Variants in ANK3 observed in about 807,000 individuals in gnomAD.
ANK3 encodes the protein ankyrin 3.
A neutral mutation model predicts 370.9 loss-of-function variants in ANK3; 57 were observed. The observed-to-expected ratio is 0.15, with a 90% CI of 0.12 to 0.19. ANK3 has a LOEUF of 0.19. Among genes scored for constraint, ANK3 ranks in the 10% least tolerant of loss-of-function variants. The pLI is 1.00. For missense variants in ANK3, 4,439 were observed against 5,302.1 expected, an observed-to-expected ratio of 0.84 and a Z score of 5.06; for synonymous variants, 1,929 against 1,946.3, an observed-to-expected ratio of 0.99 and a Z score of 0.23.
intron 2 of ANK3, among the ~76,000 whole-genome samples, chr10:60,569,737 T>C (rs2077547090): frequency 6.6e-6 from 1 of 152,226 alleles, no homozygotes; most frequent in Non-Finnish European, 1.5e-5. Context: ...TCTGTTTTTC[T>C]GAAAACACTC....
chr10:60,462,326 A>G lies in ANK3; in HGVS notation c.96+152860T>C, dbSNP rs193100820. Among the ~76,000 whole-genome samples, 42 of 152,286 alleles carry G rather than the reference A, an allele frequency of 2.8e-4. 1 individual carries two copies. The East Asian group carries it at 5.4e-3, about 20-fold the overall frequency. On this transcript the variant is annotated intron_variant, in intron 2 of 43. Transcript: ENST00000373827. Reference sequence around the variant, plus strand: ...TGATTCTCTACAGACAATCTAGTCTATATTTTTGGAGACATTCCCAAATAG... The same window carrying G: ...TGATTCTCTACAGACAATCTAGTCTGTATTTTTGGAGACATTCCCAAATAG...
chr10:60,580,619 A>C (rs2077737686), intron 2 of ANK3, among the ~76,000 whole-genome samples: 1 of 152,202 alleles, frequency 6.6e-6, no homozygotes, highest in African/African-American at 2.4e-5. Context: ...AATCTCTCCA[A>C]ATAATTAACC....
At chr10:60,692,848 G>T (rs1301036511) in intron 1 of ANK3, among the ~76,000 whole-genome samples, 2 of 152,184 alleles carry the variant, frequency 1.3e-5, no homozygotes, top group African/African-American at 2.4e-5. Context: ...GATTGTTTTT[G>T]TCATATGATA....
chr10:60,266,562 C>T (rs994752629), intron 5 of ANK3, among the ~76,000 whole-genome samples: 4 of 152,156 alleles, frequency 2.6e-5, no homozygotes, highest in Non-Finnish European at 5.9e-5. Context: ...TACATTTCCA[C>T]TGATGAGAAT....
intron 25 of ANK3, among the ~76,000 whole-genome samples, chr10:60,123,326 A>G (rs1478404970): frequency 1.3e-5 from 2 of 152,200 alleles, no homozygotes; most frequent in Admixed American, 6.5e-5. Context: ...TGATGATATC[A>G]CCGTCTCCAA....
At chr10:60,460,433 C>T (rs1350305749) in intron 2 of ANK3, among the ~76,000 whole-genome samples, 1 of 152,170 alleles carries the variant, frequency 6.6e-6, no homozygotes. Context: ...CAAACAGATA[C>T]ATTTTTCCTA....
rs2083398749 is a variant in ANK3, at chr10:60,074,663, G to A, written c.6218C>T (p.Ala2073Val). ...CATTTTGAGTTTGTGTTCCTGCAAA[G>A]CAATTGCTGGTTTTAAAACTCTTTT... Reference protein sequence around the residue: ...RQKRVLKPAIALQEHKLKMPP... With the variant: ...RQKRVLKPAIVLQEHKLKMPP... The change falls in exon 37 of 44, where the codon GCT becomes GTT. Residue 2073 changes from alanine (A) to valine (V), a missense_variant. By Grantham distance (64) the Ala-to-Val change is moderately conservative. Around this residue, in one of 13 missense-constraint regions of ANK3, gnomAD observed 679 missense variants for 791.0 expected, o/e 0.86. Transcript: ENST00000280772. 6.2e-7 allele frequency: 1 copy of A among 1,613,522 alleles called. No homozygotes were observed. The highest frequency in any genetic ancestry group is 1.3e-5 in the African/African-American group (1 of 74,866).
At chr10:60,636,245 T>G (rs1326919885) in intron 1 of ANK3, among the ~76,000 whole-genome samples, 1 of 152,156 alleles carries the variant, frequency 6.6e-6, no homozygotes. Context: ...AAAAAAAATT[T>G]TAACCCTTGC....
At chr10:60,442,880 G>C (rs534071655) in intron 2 of ANK3, among the ~76,000 whole-genome samples, 1 of 152,216 alleles carries the variant, frequency 6.6e-6, no homozygotes, top group African/African-American at 2.4e-5. Flanking sequence ...ATTTCCCCAA[G>C]GTAACATACT....
chr10:60,132,414 G>A (rs144906812), intron 25 of ANK3, among the ~76,000 whole-genome samples: 2 of 152,080 alleles, frequency 1.3e-5, no homozygotes, highest in African/African-American at 4.8e-5. Context: ...AAGATCTGAT[G>A]GTTTTATAAG....
chr10:60,279,440 A>G (rs2098132349), intron 2 of ANK3, 98 bp downstream of exon 2: 16 of 965,712 alleles, frequency 1.7e-5, no homozygotes, highest in Non-Finnish European at 2.4e-5. Context: ...ATAAAATTCA[A>G]TGGAAAAAAA....
chr10:60,088,977 G>A (rs150972415), intron 28 of ANK3, among the ~76,000 whole-genome samples: 86 of 152,180 alleles, frequency 5.7e-4, no homozygotes, highest in Admixed American at 2.4e-3. Flanking sequence ...TTGCCCCCAA[G>A]CTGCCAAAAG....
chr10:60,528,309 T>G (rs1228775213), intron 2 of ANK3, among the ~76,000 whole-genome samples: 3 of 151,952 alleles, frequency 2.0e-5, no homozygotes, highest in Non-Finnish European at 2.9e-5. Flanking sequence ...GCTAATTTTA[T>G]ATTTTTAGTA....
At chr10:60,059,867 A>G in intron 40 of ANK3, 1 of 1,614,258 alleles carries the variant, frequency 6.2e-7, no homozygotes, top group Non-Finnish European at 8.5e-7. Context: ...GCACTAGCCC[A>G]TCACTCAGTC....
chr10:60,179,987 G>GT (rs2096106110), intron 18 of ANK3, among the ~76,000 whole-genome samples: 1 of 151,474 alleles, frequency 6.6e-6, no homozygotes, highest in African/African-American at 2.5e-5. Flanking sequence ...CTAAGAAAGT[G>GT]TTTAAGTCTG....
chr10:60,186,346 T>TCTCC (rs2096329881), intron 17 of ANK3, among the ~76,000 whole-genome samples: 2 of 28,300 alleles, frequency 7.1e-5, no homozygotes, highest in East Asian at 2.8e-3. Context: ...TATCTTTCTG[T>TCTCC]CTTTTTTTTT....
chr10:60,159,138 T>C (rs576442759), intron 23 of ANK3, among the ~76,000 whole-genome samples: 9 of 152,152 alleles, frequency 5.9e-5, no homozygotes, highest in African/African-American at 2.2e-4. Flanking sequence ...TCAAAAGACA[T>C]AGAGTGGCCA....
At chr10:60,030,624 A>G (rs963801655) in intron 43 of ANK3, among the ~76,000 whole-genome samples, 1 of 152,152 alleles carries the variant, frequency 6.6e-6, no homozygotes, top group African/African-American at 2.4e-5. Flanking sequence ...CCAGTCAGAT[A>G]GAGCCTTGGC....
intron 2 of ANK3, among the ~76,000 whole-genome samples, chr10:60,523,102 T>C (rs1213509735): frequency 1.3e-5 from 2 of 152,106 alleles, no homozygotes; most frequent in Admixed American, 6.6e-5. Flanking sequence ...TATCAAGTAA[T>C]CTACTTTTGC....
Sources: allele counts gnomAD v4.1 joint callset (sites outside exome capture counted in the v4.1 genomes callset), GRCh38; gene constraint gnomAD v4.1.1; regional missense constraint gnomAD v4.1.1; transcripts MANE v1.5; gene names NCBI Gene and HGNC (gene_info 2026-07-23, HGNC 2026-07-21).